Variants in GDAP1 observed in about 807,000 individuals in gnomAD.
The protein encoded by GDAP1 is ganglioside induced differentiation associated protein 1, also known as ganglioside-induced differentiation-associated protein 1.
GDAP1 carries 34 observed loss-of-function variants against 40.1 expected under a neutral mutation model. That is an observed-to-expected ratio of 0.85 (90% CI 0.64 to 1.13). The LOEUF is 1.13. GDAP1 is among the 50% of genes most tolerant of loss of function. The pLI is 0.00. For synonymous variants in GDAP1, 170 were observed against 157.4 expected (o/e 1.08, Z -0.60); for missense variants, 374 against 433.7 (o/e 0.86, Z 1.22).
chr8:74,443,609 T>C (rs1806190875), intron 2 of GDAP1, among the ~76,000 whole-genome samples: 1 of 152,104 alleles, frequency 6.6e-6, no homozygotes, highest in Non-Finnish European at 1.5e-5. Flanking sequence ...GAGGGCAGCA[T>C]GAACAACTTA....
chr8:74,412,166 TGA>T (rs1322128814), intron 2 of GDAP1, among the ~76,000 whole-genome samples: 3 of 150,060 alleles, frequency 2.0e-5, no homozygotes, highest in South Asian at 2.1e-4. Context: ...ATAAACTATA[TGA>T]GAGTCAGACT....
intron 2 of GDAP1, among the ~76,000 whole-genome samples, chr8:74,456,637 T>A (rs1336941368): frequency 6.6e-6 from 1 of 151,696 alleles, no homozygotes; most frequent in African/African-American, 2.4e-5. Context: ...GGAGACAGAG[T>A]TTTAGCTGTT....
chr8:74,367,518 C>T (rs770089570), downstream of GDAP1, among the ~76,000 whole-genome samples: 1 of 150,456 alleles, frequency 6.6e-6, no homozygotes, highest in Non-Finnish European at 1.5e-5. Flanking sequence ...TCGTAGTCTG[C>T]TCAGAAAAAA....
downstream of GDAP1, among the ~76,000 whole-genome samples, chr8:74,370,925 A>G (rs1341651544): frequency 6.6e-6 from 1 of 152,238 alleles, no homozygotes; most frequent in Non-Finnish European, 1.5e-5. Flanking sequence ...AGGAAGACAT[A>G]ATCATAAATA....
At chr8:74,481,242 A>G (rs1442408230) in intron 2 of GDAP1, among the ~76,000 whole-genome samples, 3 of 152,214 alleles carry the variant, frequency 2.0e-5, no homozygotes, top group Non-Finnish European at 2.9e-5. Context: ...GACGCTAGTA[A>G]AAATAATTAG....
chr8:74,417,542 T>A (rs1463100406), intron 2 of GDAP1, among the ~76,000 whole-genome samples: 1 of 149,922 alleles, frequency 6.7e-6, no homozygotes, highest in African/African-American at 2.5e-5. Context: ...AGTACTGGGA[T>A]TACAGGCGTG....
intron 2 of GDAP1, among the ~76,000 whole-genome samples, chr8:74,448,447 A>G (rs950567692): frequency 6.6e-6 from 1 of 152,084 alleles, no homozygotes; most frequent in Non-Finnish European, 1.5e-5. Context: ...GCTGTGATGC[A>G]TGTTCTTTTT....
chr8:74,386,556 G>T (rs562450133), intron 2 of GDAP1, among the ~76,000 whole-genome samples: 23 of 152,132 alleles, frequency 1.5e-4, no homozygotes, highest in Non-Finnish European at 2.9e-4. Context: ...CTCTGTTTTG[G>T]TACCAGTACC....
intron 2 of GDAP1, among the ~76,000 whole-genome samples, chr8:74,412,786 C>T (rs1000369907): frequency 6.7e-6 from 1 of 148,988 alleles, no homozygotes; most frequent in South Asian, 2.1e-4. Context: ...CGGCTGGGTG[C>T]GGTGGCTCAC....
At chr8:74,392,965 G>A (rs752985742) in intron 2 of GDAP1, among the ~76,000 whole-genome samples, 30 of 152,280 alleles carry the variant, frequency 2.0e-4, no homozygotes, top group Middle Eastern at 6.8e-3. Flanking sequence ...AGAAGCTAGC[G>A]CTATACAGAA....
At chr8:74,401,154 A>G (rs1262460446) in intron 2 of GDAP1, among the ~76,000 whole-genome samples, 17 of 149,134 alleles carry the variant, frequency 1.1e-4, no homozygotes, top group Non-Finnish European at 2.2e-4. Context: ...GTGTTTTCCA[A>G]CTTGGTTCCA....
chr8:74,432,671 C>T (rs1806042585), intron 2 of GDAP1, among the ~76,000 whole-genome samples: 1 of 152,128 alleles, frequency 6.6e-6, no homozygotes, highest in Non-Finnish European at 1.5e-5. Context: ...TCCATCAGCG[C>T]CTTCCCTGGC....
In GDAP1 at chr8:74,411,544, T is replaced by C. The variant is rs560649954; in HGVS notation, c.165+60223T>C. 3.4e-4 allele frequency among the ~76,000 whole-genome samples: 47 copies of C among 137,516 alleles called. 2 individuals carry two copies. The highest frequency in any genetic ancestry group is 3.7e-3 in the Middle Eastern group (1 of 270). 90.2% of individuals were successfully genotyped at this position (137,516 alleles called of 152,430 possible). Reference sequence around the variant, plus strand: ...AAGCAAATATATATATATATATATATACACACAACAATAAATAAAGAGTAT... The same window carrying C: ...AAGCAAATATATATATATATATATACACACACAACAATAAATAAAGAGTAT... On this transcript the variant is annotated intron_variant, in intron 2 of 2. Coordinates refer to the GDAP1 transcript ENST00000523640.
chr8:74,468,951 C>G (rs1806508972), intron 2 of GDAP1, among the ~76,000 whole-genome samples: 1 of 152,100 alleles, frequency 6.6e-6, no homozygotes, highest in African/African-American at 2.4e-5. Context: ...TCTATACTTA[C>G]ATTATTAATT....
Position 74,365,244 on chromosome 8 carries a change from T to C in GDAP1, c.*877T>C, listed in dbSNP as rs534462624. ...TTCTTCGTTTGGGGAGGCTGGTCTG[T>C]AAACACAAAAATTGTTGTCCAGATC... On this transcript the variant is annotated 3_prime_UTR_variant, in exon 6 of 6. Coordinates refer to ENST00000220822, the MANE Select transcript of GDAP1 (RefSeq NM_018972.4). 43 of 454,140 alleles carry C rather than the reference T, an allele frequency of 9.5e-5. No homozygotes were observed. The highest frequency in any genetic ancestry group is 7.8e-4 in the African/African-American group (39 of 50,126). The allele number at this position is 454,140 out of a possible 1,614,324, so 28.1% of individuals were successfully genotyped here.
intron 2 of GDAP1, among the ~76,000 whole-genome samples, chr8:74,413,975 A>G (rs1031531165): frequency 6.7e-6 from 1 of 150,306 alleles, no homozygotes; most frequent in Admixed American, 6.6e-5. Flanking sequence ...GGATCTTTAA[A>G]AAAGCATATG....
rs1382137234 is a variant in GDAP1, at chr8:74,402,087, T to TC, written c.165+50767dup. 3.3e-4 allele frequency among the ~76,000 whole-genome samples: 50 copies of TC among 150,318 alleles called. 3 individuals carry two copies. Among genetic ancestry groups the TC allele is most frequent in the African/African-American group, 1.2e-3 (46 of 39,622 alleles). ...AGAACCACTGCTCTCTTCAAAGCTGTCAGACAGGGACATTTAAGTCTGCAG... is the reference window on the plus strand; with the variant it reads ...AGAACCACTGCTCTCTTCAAAGCTGTCCAGACAGGGACATTTAAGTCTGCAG... On this transcript the variant is annotated intron_variant, in intron 2 of 2. Coordinates refer to the GDAP1 transcript ENST00000523640.
At chr8:74,392,644 G>A (rs1452439079) in intron 2 of GDAP1, among the ~76,000 whole-genome samples, 1 of 152,254 alleles carries the variant, frequency 6.6e-6, no homozygotes, top group East Asian at 1.9e-4. Context: ...GGAAATGGAT[G>A]TGGAGCCATG....
In GDAP1 at chr8:74,443,980, G is replaced by GTCTGTCTA. The variant is rs1368436475; in HGVS notation, c.166-44695_166-44694insGTCTATCT. ...CAAGTTTCCTTTATTCTTTCTGTCT[G>GTCTGTCTA]TCTATCTATCTATCTATCTATCTAT... On this transcript the variant is annotated intron_variant, in intron 2 of 2. Transcript: ENST00000523640. Among the ~76,000 whole-genome samples the GTCTGTCTA allele has an allele frequency of 2.3e-3, 346 of 147,418 alleles. 2 individuals are homozygous for GTCTGTCTA. The highest frequency in any genetic ancestry group is 6.9e-3 in the Middle Eastern group (2 of 290).
Sources: allele counts gnomAD v4.1 joint callset (sites outside exome capture counted in the v4.1 genomes callset), GRCh38; gene constraint gnomAD v4.1.1; transcripts MANE v1.5; gene names NCBI Gene and HGNC (gene_info 2026-07-23, HGNC 2026-07-21).